The following TIMM21 variants were observed in gnomAD, a reference collection of about 807,000 sequenced individuals.
TIMM21 encodes the protein translocase of inner mitochondrial membrane 21, also known as mitochondrial import inner membrane translocase subunit Tim21.
In TIMM21, 30 loss-of-function variants were observed where a neutral mutation model predicts 27.7. The ratio of observed to expected loss-of-function variants is 1.08; its 90% CI spans 0.81 to 1.47. The LOEUF (loss-of-function observed/expected upper bound fraction) is 1.47. TIMM21 is among the 40% of genes most tolerant of loss of function. The probability of loss-of-function intolerance (pLI) is 0.00; values close to 1 mark genes in which losing one functional copy is unlikely to be tolerated. For synonymous variants in TIMM21, 121 were observed against 114.4 expected (o/e 1.06, Z -0.37); for missense variants, 292 against 302.9 (o/e 0.96, Z 0.27).
rs1218857262 is a variant in TIMM21 at position 74,152,849 on chromosome 18, T to C, written c.302-2296T>C. ...GGGAGAGGCCGAAGTGCATTTGCAG[T>C]TGGGGCCTCAGCTGCTGCTCTGGGG... On this transcript the variant is annotated intron_variant, in intron 1 of 5. Transcript: ENST00000169551. This position sits in a 1 kb window ranked among gnomAD's most constrained non-coding sequence, Gnocchi z 4.1. 3.9e-5 allele frequency among the ~76,000 whole-genome samples: 6 copies of C among 152,308 alleles called. No homozygotes were observed. Among genetic ancestry groups the C allele is most frequent in the East Asian group, 3.9e-4 (2 of 5,178 alleles).
intron 1 of TIMM21, among the ~76,000 whole-genome samples, chr18:74,151,950 G>A (rs985022509): frequency 3.5e-5 from 3 of 86,730 alleles, no homozygotes; most frequent in South Asian, 3.6e-4. Context: ...CCCCCCCCCC[G>A]GGGGGACCTC....
At chr18:74,151,941 C>CCG (rs1555682303) in intron 1 of TIMM21, among the ~76,000 whole-genome samples, 1 of 144,642 alleles carries the variant, frequency 6.9e-6, no homozygotes, top group African/African-American at 2.8e-5. Flanking sequence ...CTATGTTCCC[C>CCG]CCCCCCCCGG....
intron 1 of TIMM21, among the ~76,000 whole-genome samples, chr18:74,149,527 A>G (rs1046796049): frequency 2.0e-5 from 3 of 151,792 alleles, no homozygotes; most frequent in South Asian, 4.1e-4. Flanking sequence ...AAAGTCAGAG[A>G]TGTATTCACA....
chr18:74,153,474 A>G (rs995050683), intron 1 of TIMM21, among the ~76,000 whole-genome samples: 1 of 152,222 alleles, frequency 6.6e-6, no homozygotes, highest in Non-Finnish European at 1.5e-5. Flanking sequence ...TGTATTCTCA[A>G]CCTGGGAGTT....
intron 1 of TIMM21, among the ~76,000 whole-genome samples, chr18:74,154,507 T>C (rs886618738): frequency 1.3e-5 from 2 of 152,234 alleles, no homozygotes; most frequent in South Asian, 4.2e-4. Context: ...GTGATCCGCC[T>C]GCCTCGGCCT....
intron 3 of TIMM21, 82 bp from the exon 4 acceptor site, chr18:74,157,932 A>G (rs1979995207): frequency 2.0e-6 from 3 of 1,482,980 alleles, no homozygotes; most frequent in Non-Finnish European, 2.8e-6. Context: ...TTTTTTTCCT[A>G]AAATCATCTG....
intron 1 of TIMM21, 102 bp from the exon 2 acceptor site, chr18:74,155,043 G>A: frequency 1.8e-6 from 2 of 1,142,606 alleles, no homozygotes; most frequent in Non-Finnish European, 2.6e-6. Flanking sequence ...CCCTTGCTTT[G>A]ATCTGGAGGC....
Position 74,158,738 on chromosome 18 carries a change from G to A in TIMM21, c.*258G>A, listed in dbSNP as rs1027320901. The A allele has an allele frequency of 2.8e-6, 1 of 353,812 alleles. No homozygotes were observed. The highest frequency in any genetic ancestry group is 5.1e-6 in the Non-Finnish European group (1 of 194,304). The allele number at this position is 353,812 out of a possible 1,614,324, so 21.9% of individuals were successfully genotyped here. ...AACACCATCTTTCATGATTAGAAAT[G>A]TTTGTTATTGGAAATGTTACACCAT... On this transcript the variant is annotated 3_prime_UTR_variant, in exon 6 of 6. Transcript: ENST00000169551.
rs1980055823 is a variant in TIMM21, at chr18:74,159,871, T to C, written c.*1391T>C. 2.6e-5 allele frequency: 4 copies of C among 152,240 alleles called. No individual in the cohort carries two copies. Among genetic ancestry groups the C allele is most frequent in the South Asian group, 4.1e-4 (2 of 4,834 alleles). 9.4% of individuals were successfully genotyped at this position (152,240 alleles called of 1,614,324 possible). ...CAGCCCTGCTCTTCAAACAACCTGC[T>C]CAAACTGTAGCTTGCTGAAGAAGCC... On this transcript the variant is annotated 3_prime_UTR_variant, in exon 6 of 6. Transcript: ENST00000169551.
Position 74,148,673 on chromosome 18 carries a change from C to G in TIMM21, c.-136C>G, listed in dbSNP as rs891682074. ...TTCGTTTTCATTTACGCTGCGGAAA[C>G]TGACGTTTTTGCCTAACACCCCATG... is the stretch of plus-strand genomic sequence containing the variant. On this transcript the variant is annotated 5_prime_UTR_variant, in exon 1 of 6. Coordinates refer to ENST00000169551, the MANE Select transcript of TIMM21 (RefSeq NM_014177.3). 3.5e-5 allele frequency: 29 copies of G among 821,286 alleles called. No homozygotes were observed. Among genetic ancestry groups the G allele is most frequent in the Middle Eastern group, 3.8e-4 (1 of 2,622 alleles). 50.9% of individuals were successfully genotyped at this position (821,286 alleles called of 1,614,324 possible).
At position 74,155,173 on chromosome 18, in the gene TIMM21, T is replaced by C. The variant is rs1370941546; in HGVS notation, c.330T>C (p.Tyr110=). 6.2e-7 allele frequency: 1 copy of C among 1,614,182 alleles called. No homozygotes were observed. The highest frequency in any genetic ancestry group is 1.3e-5 in the African/African-American group (1 of 75,038). The part of the protein sequence containing the change: ...KVKEAGRDFT[Y]LIVVLFGISI... ...AAGAAGCCGGAAGAGATTTTACCTATTTAATAGTGGTGCTTTTTGGAATCA... is the reference window on the plus strand; with the variant it reads ...AAGAAGCCGGAAGAGATTTTACCTACTTAATAGTGGTGCTTTTTGGAATCA... The change falls in exon 2 of 6, where the codon TAT becomes TAC. Residue 110 remains tyrosine, a synonymous_variant. Transcript: ENST00000169551.
In TIMM21 at chr18:74,152,592, A is replaced by G. The variant is rs1228155162; in HGVS notation, c.302-2553A>G. Reference sequence around the variant, plus strand: ...CATTGGTGAGAGCTGCATCAGCTGCACTACAGCTCTATGACAGGTGCTGTC... The same window carrying G: ...CATTGGTGAGAGCTGCATCAGCTGCGCTACAGCTCTATGACAGGTGCTGTC... On this transcript the variant is annotated intron_variant, in intron 1 of 5. Transcript: ENST00000169551. The surrounding 1 kb of genome is among the most constrained non-coding windows in gnomAD (Gnocchi z 4.1). 6.6e-6 allele frequency among the ~76,000 whole-genome samples: 1 copy of G among 152,184 alleles called. No individual in the cohort carries two copies. Among genetic ancestry groups the G allele is most frequent in the East Asian group, 1.9e-4 (1 of 5,186 alleles).
Position 74,160,353 on chromosome 18 carries a change from A to G in TIMM21, c.*1873A>G, listed in dbSNP as rs1283318598. 1 of 151,776 alleles carries G rather than the reference A, an allele frequency of 6.6e-6. No individual in the cohort carries two copies. The highest frequency in any genetic ancestry group is 1.5e-5 in the Non-Finnish European group (1 of 67,954). 9.4% of individuals were successfully genotyped at this position (151,776 alleles called of 1,614,324 possible). On this transcript the variant is annotated 3_prime_UTR_variant, in exon 6 of 6. Transcript: ENST00000169551. ...AAACAAAAAACAGATCTGAGCTTTT[A>G]TAATTAGAAATAAAACTAAATTACT...
At chr18:74,154,261 G>C (rs1979886768) in intron 1 of TIMM21, among the ~76,000 whole-genome samples, 1 of 152,072 alleles carries the variant, frequency 6.6e-6, no homozygotes, top group Non-Finnish European at 1.5e-5. Flanking sequence ...TCTGTCCCCT[G>C]ACACTGTCTT....
rs1397003260 is a variant in TIMM21, at chr18:74,154,649, TGTCTG to T, written c.302-490_302-486del. Among the ~76,000 whole-genome samples, 21 of 152,364 alleles carry T rather than the reference TGTCTG, an allele frequency of 1.4e-4. No homozygotes were observed. In the East Asian group the frequency reaches 3.9e-3, roughly 28 times the overall value. On this transcript the variant is annotated intron_variant, in intron 1 of 5. Transcript: ENST00000169551. Reference sequence around the variant, plus strand: ...TATTTTATTAGTGTGGGAAAACAAATGTCTGGTCTGTGCATTTTCTTCATTTTCTA... The same window carrying T: ...TATTTTATTAGTGTGGGAAAACAAATGTCTGTGCATTTTCTTCATTTTCTA...
chr18:74,157,495 C>T (rs1979980931), intron 3 of TIMM21: 1 of 154,710 alleles, frequency 6.5e-6, no homozygotes, highest in African/African-American at 2.4e-5. Context: ...CTATTTTAAT[C>T]TTTGTGCATG....
In TIMM21 at chr18:74,158,072, G is replaced by T. The variant is rs74692556; in HGVS notation, c.521G>T (p.Arg174Leu). 6.2e-7 allele frequency: 1 copy of T among 1,614,034 alleles called. No individual in the cohort carries two copies. The highest frequency in any genetic ancestry group is 8.5e-7 in the Non-Finnish European group (1 of 1,180,042). The change falls in exon 4 of 6, where the codon CGC becomes CTC. Residue 174 changes from arginine to leucine, a missense_variant. By Grantham distance (102) the Arg-to-Leu change is moderately radical. Coordinates refer to ENST00000169551, the MANE Select transcript of TIMM21 (RefSeq NM_014177.3). ...TATGGGGAGGTGACAAGGCGGGGTC[G>T]CCGGCAGCATGTCAGGTACTGTGGC... is the stretch of plus-strand genomic sequence containing the variant. ...KGYGEVTRRG[R>L]RQHVRFTEYV...
At chr18:74,151,944 C>CCG (rs1555682315) in intron 1 of TIMM21, among the ~76,000 whole-genome samples, 1 of 144,612 alleles carries the variant, frequency 6.9e-6, no homozygotes, top group Non-Finnish European at 1.5e-5. Context: ...TGTTCCCCCC[C>CCG]CCCCCGGGGG....
At chr18:74,158,329 A>G in intron 5 of TIMM21, 47 bp from the exon 6 acceptor site, 1 of 1,608,728 alleles carries the variant, frequency 6.2e-7, no homozygotes, top group South Asian at 1.1e-5. Context: ...GTGTTATTTA[A>G]GTTCTGGAAA....
Sources: gnomAD v4.1 joint callset for allele counts (sites outside exome capture counted in the v4.1 genomes callset) on GRCh38, gnomAD v4.1.1 for gene constraint, Gnocchi (gnomAD v3.1) non-coding constraint, MANE v1.5 for transcripts, NCBI Gene and HGNC (gene_info 2026-07-23, HGNC 2026-07-21) for gene names.